PPIL4: variants seen among roughly 807,000 people sequenced by gnomAD.
The protein encoded by PPIL4 is peptidylprolyl isomerase like 4.
A neutral mutation model predicts 69.1 loss-of-function variants in PPIL4; 50 were observed. The ratio of observed to expected loss-of-function variants is 0.72; its 90% CI spans 0.58 to 0.92. PPIL4 has a LOEUF of 0.92. Ranked by LOEUF, PPIL4 falls within the 40% of genes least tolerant of loss-of-function variation. The pLI is 0.00. For synonymous variants in PPIL4, 193 were observed against 191.6 expected (o/e 1.01, Z -0.06); for missense variants, 480 against 587.9 (o/e 0.82, Z 1.90).
chr6:149,525,348 T>C, intron 8 of PPIL4, 139 bp from the exon 9 acceptor site: 1 of 524,510 alleles, frequency 1.9e-6, no homozygotes, highest in East Asian at 3.2e-5. Context: ...TCCAAATTCA[T>C]TTAATAACAA....
At position 149,541,419 on chromosome 6, in the gene PPIL4, T is replaced by C; in HGVS notation, c.151A>G (p.Ile51Val). 6.4e-7 allele frequency: 1 copy of C among 1,569,206 alleles called. No homozygotes were observed. The highest frequency in any genetic ancestry group is 1.4e-5 in the African/African-American group (1 of 73,894). The change falls in exon 3 of 13, where the codon ATA becomes GTA. Residue 51 changes from isoleucine (I) to valine (V), a missense_variant. Coordinates refer to ENST00000253329, the MANE Select transcript of PPIL4 (RefSeq NM_139126.4). Reference protein sequence around the residue: ...LIHNVQRDFIIQTGDPTGTGR... With the variant: ...LIHNVQRDFIVQTGDPTGTGR... ...GTCCCTGTAGGATCGCCAGTTTGTATGATAAAATCCCTCTGTAATATGTAG... is the reference window on the plus strand; with the variant it reads ...GTCCCTGTAGGATCGCCAGTTTGTACGATAAAATCCCTCTGTAATATGTAG...
chr6:149,525,659 A>G (rs561140551), intron 8 of PPIL4, among the ~76,000 whole-genome samples: 1 of 152,372 alleles, frequency 6.6e-6, no homozygotes, highest in South Asian at 2.1e-4. Context: ...GAATTTTAAT[A>G]TAAATCAAGC....
chr6:149,525,195 C>A lies in PPIL4; in HGVS notation c.818G>T (p.Arg273Leu). Reference sequence around the variant, plus strand: ...GAGGGACTCTCCTGTCTTCCAGTCTCGGATAACTTCACAACTGAAAGAAAG... The same window carrying A: ...GAGGGACTCTCCTGTCTTCCAGTCTAGGATAACTTCACAACTGAAAGAAAG... ...FGPIRSCEVI[R>L]DWKTGESLCY... Residue 273 changes from arginine (R) to leucine (L), a missense_variant, in exon 9 of 13, where the codon CGA becomes CTA. Arg to Leu is a moderately radical substitution (Grantham distance 102). Coordinates refer to ENST00000253329, the MANE Select transcript of PPIL4 (RefSeq NM_139126.4). 1 of 1,547,706 alleles carries A rather than the reference C, an allele frequency of 6.5e-7. No individual in the cohort carries two copies. Among genetic ancestry groups the A allele is most frequent in the Admixed American group, 1.8e-5 (1 of 54,944 alleles).
intron 4 of PPIL4, among the ~76,000 whole-genome samples, chr6:149,537,970 T>C (rs1415659354): frequency 6.6e-6 from 1 of 152,038 alleles, no homozygotes; most frequent in Non-Finnish European, 1.5e-5. Flanking sequence ...AAATTAATAT[T>C]GTTTTCAGCT....
Position 149,505,354 on chromosome 6 carries a change from T to C in PPIL4, c.*99A>G. 1 of 1,144,286 alleles carries C rather than the reference T, an allele frequency of 8.7e-7. No individual in the cohort carries two copies. Among genetic ancestry groups the C allele is most frequent in the East Asian group, 2.3e-5 (1 of 42,638 alleles). The allele number at this position is 1,144,286 out of a possible 1,614,324, so 70.9% of individuals were successfully genotyped here. A position where few individuals can be genotyped will look rare whatever the true frequency, so the allele number is the denominator to read the frequency against. ...GACCATAATCCTAGTATGAAAAAAA[T>C]AACAAGCTTTGACACAAAATCTAAG... On this transcript the variant is annotated 3_prime_UTR_variant, in exon 13 of 13. Coordinates refer to ENST00000253329, the MANE Select transcript of PPIL4 (RefSeq NM_139126.4).
rs539638363 is a variant in PPIL4 at position 149,525,042 on chromosome 6, AAG to A, written c.870+99_870+100del. ...CTTAATTTTGGGGAGTGCCAAAAGA[AAG>A]GGCAACTCTAGAAACTAGAAAAAGT... On this transcript the variant is annotated intron_variant, in intron 9 of 12. Coordinates refer to ENST00000253329, the MANE Select transcript of PPIL4 (RefSeq NM_139126.4). The A allele has an allele frequency of 7.6e-4, 441 of 576,850 alleles. 1 individual carries two copies. In the East Asian group the frequency reaches 0.013, roughly 17 times the overall value. 35.7% of individuals were successfully genotyped at this position (576,850 alleles called of 1,614,324 possible).
chr6:149,505,688 A>T lies in PPIL4; in HGVS notation c.1244T>A (p.Met415Lys), dbSNP rs1323036315. Residue 415 changes from methionine to lysine, a missense_variant, in exon 13 of 13, where the codon ATG (methionine) becomes AAG (lysine). Coordinates refer to ENST00000253329, the MANE Select transcript of PPIL4 (RefSeq NM_139126.4). ...KNTNQDIYREMGFGHYEEEES... is the reference protein window; with the variant it reads ...KNTNQDIYREKGFGHYEEEES... ...TTCTTCTTCATAGTGACCAAACCCCATTTCTCTATAGATATCCTGTCAAAG... is the reference window on the plus strand; with the variant it reads ...TTCTTCTTCATAGTGACCAAACCCCTTTTCTCTATAGATATCCTGTCAAAG... The T allele has an allele frequency of 9.9e-6, 16 of 1,613,206 alleles. No homozygotes were observed. The highest frequency in any genetic ancestry group is 1.3e-5 in the African/African-American group (1 of 74,858).
rs1776750829 is a variant in PPIL4, at chr6:149,505,252, T to C, written c.*201A>G. ...CTACCATTTATGTATAACAATAAAATTAGTGTAAAAAAGTATACAAAGAAA... is the reference window on the plus strand; with the variant it reads ...CTACCATTTATGTATAACAATAAAACTAGTGTAAAAAAGTATACAAAGAAA... On this transcript the variant is annotated 3_prime_UTR_variant, in exon 13 of 13. Transcript: ENST00000253329. 6.3e-6 allele frequency: 3 copies of C among 474,632 alleles called. No individual in the cohort carries two copies. In the South Asian group the frequency reaches 1.1e-4, roughly 18 times the overall value. The allele number at this position is 474,632 out of a possible 1,614,324, so 29.4% of individuals were successfully genotyped here. A position where few individuals can be genotyped will look rare whatever the true frequency, so the allele number is the denominator to read the frequency against.
chr6:149,526,267 A>G (rs1777105413), intron 8 of PPIL4, among the ~76,000 whole-genome samples: 2 of 152,358 alleles, frequency 1.3e-5, no homozygotes. Flanking sequence ...GAAAAATTTT[A>G]GAAAATTTAG....
chr6:149,507,188 GGAC>G (rs1397789535), intron 12 of PPIL4, among the ~76,000 whole-genome samples: 1 of 152,200 alleles, frequency 6.6e-6, no homozygotes, highest in Non-Finnish European at 1.5e-5. Flanking sequence ...CCATGGTTAA[GGAC>G]TGGGTTTTAA....
intron 11 of PPIL4, among the ~76,000 whole-genome samples, chr6:149,513,750 G>A (rs933515780): frequency 7.2e-5 from 11 of 151,994 alleles, no homozygotes; most frequent in Admixed American, 6.6e-4. Context: ...AGCTACGAGT[G>A]AATCTTTTTA....
intron 7 of PPIL4, among the ~76,000 whole-genome samples, chr6:149,528,967 G>A (rs978689115): frequency 2.0e-5 from 3 of 152,076 alleles, no homozygotes; most frequent in Admixed American, 6.6e-5. Flanking sequence ...GGTGGCTCAC[G>A]CCTGTAATCC....
At chr6:149,545,615 G>A (rs547271994) in intron 1 of PPIL4, among the ~76,000 whole-genome samples, 1 of 152,216 alleles carries the variant, frequency 6.6e-6, no homozygotes, top group East Asian at 1.9e-4. Context: ...AGGCACAAAA[G>A]CTATGGGTAT....
At position 149,518,176 on chromosome 6, in the gene PPIL4, T is replaced by A. The variant is rs143284681; in HGVS notation, c.983-726A>T. On this transcript the variant is annotated intron_variant, in intron 10 of 12. Transcript: ENST00000253329. Reference sequence around the variant, plus strand: ...TAGGGGCAACTTCATTCCTCCCAAGTGCCAAAAATCCCCTCAGGAAAATAG... The same window carrying A: ...TAGGGGCAACTTCATTCCTCCCAAGAGCCAAAAATCCCCTCAGGAAAATAG... 3.4e-3 allele frequency among the ~76,000 whole-genome samples: 514 copies of A among 152,206 alleles called. 2 individuals are homozygous for A. Among genetic ancestry groups the A allele is most frequent in the Middle Eastern group, 0.01 (3 of 292 alleles).
intron 1 of PPIL4, among the ~76,000 whole-genome samples, chr6:149,545,514 G>T (rs918431492): frequency 6.6e-6 from 1 of 152,084 alleles, no homozygotes; most frequent in Non-Finnish European, 1.5e-5. Context: ...CACTCGCTGC[G>T]CCAAGCACAC....
At chr6:149,541,468 T>C (rs1295297869) in intron 2 of PPIL4, 37 bp from the exon 3 acceptor site, 1 of 1,541,218 alleles carries the variant, frequency 6.5e-7, no homozygotes. Flanking sequence ...TTCACAGAGT[T>C]TGTTAGATAG....
chr6:149,541,665 A>C (rs1345738041), intron 1 of PPIL4, 79 bp from the exon 2 acceptor site: 3 of 802,450 alleles, frequency 3.7e-6, no homozygotes, highest in African/African-American at 1.7e-5. Flanking sequence ...AGTAAAATGT[A>C]ATTTCTAAAT....
At chr6:149,540,540 G>A (rs866962503) in intron 4 of PPIL4, among the ~76,000 whole-genome samples, 4 of 152,166 alleles carry the variant, frequency 2.6e-5, no homozygotes, top group Non-Finnish European at 4.4e-5. Flanking sequence ...GCTTGAACCC[G>A]GGAGGGAGAG....
intron 9 of PPIL4, among the ~76,000 whole-genome samples, chr6:149,523,214 G>A (rs956609369): frequency 7.2e-5 from 11 of 151,986 alleles, no homozygotes; most frequent in Non-Finnish European, 1.3e-4. Context: ...AGTTATGCAG[G>A]AGCTAAAATT....
Sources: gnomAD v4.1 joint callset for allele counts (sites outside exome capture counted in the v4.1 genomes callset) on GRCh38, gnomAD v4.1.1 for gene constraint, MANE v1.5 for transcripts, NCBI Gene and HGNC (gene_info 2026-07-23, HGNC 2026-07-21) for gene names.